The following KMT2E variants were observed in gnomAD, a reference collection of about 807,000 sequenced individuals.
KMT2E encodes the protein histone reader KMT2E.
KMT2E carries 30 observed loss-of-function variants against 184.6 expected under a neutral mutation model. The ratio of observed to expected loss-of-function variants is 0.16; its 90% CI spans 0.12 to 0.22. KMT2E has a LOEUF of 0.22. Ranked by LOEUF, KMT2E falls within the 10% of genes least tolerant of loss-of-function variation. KMT2E has a pLI of 1.00. For synonymous variants in KMT2E, 815 were observed against 776.5 expected, an observed-to-expected ratio of 1.05 and a Z score of -0.82; for missense variants, 2,023 against 2,237.4, an observed-to-expected ratio of 0.90 and a Z score of 1.93.
chr7:105,102,308 T>C, intron 17 of KMT2E, 114 bp downstream of exon 17: 1 of 758,780 alleles, frequency 1.3e-6, no homozygotes, highest in Non-Finnish European at 2.0e-6. Flanking sequence ...GCAGTTTTTA[T>C]ACTTGCAGAT....
intron 2 of KMT2E, among the ~76,000 whole-genome samples, chr7:105,038,686 CTG>C (rs1654077141): frequency 6.6e-6 from 1 of 152,068 alleles, no homozygotes; most frequent in Non-Finnish European, 1.5e-5. Context: ...TTTAAACTCA[CTG>C]TGTTAAAGGT....
At chr7:105,064,952 C>T (rs542107331) in intron 5 of KMT2E, among the ~76,000 whole-genome samples, 48 of 151,864 alleles carry the variant, frequency 3.2e-4, no homozygotes, top group Non-Finnish European at 6.0e-4. Context: ...GATATAACGG[C>T]GATGGTCTAT....
intron 3 of KMT2E, among the ~76,000 whole-genome samples, chr7:105,044,430 T>A (rs1050855134): frequency 1.2e-4 from 19 of 152,286 alleles, no homozygotes; most frequent in Non-Finnish European, 2.6e-4. Flanking sequence ...TGACTTAGAA[T>A]TAAGAGTTAG....
intron 8 of KMT2E, 61 bp from the exon 9 acceptor site, chr7:105,075,982 C>T: frequency 7.6e-7 from 1 of 1,307,924 alleles, no homozygotes; most frequent in South Asian, 1.3e-5. Context: ...CCAATTAATT[C>T]TTAAATATTA....
intron 2 of KMT2E, among the ~76,000 whole-genome samples, chr7:105,039,752 A>T (rs960180019): frequency 6.6e-6 from 1 of 152,172 alleles, no homozygotes; most frequent in Non-Finnish European, 1.5e-5. Context: ...GTAATAGACA[A>T]TTGCACACTG....
At chr7:105,021,753 A>T (rs1794965787) in intron 1 of KMT2E, among the ~76,000 whole-genome samples, 1 of 152,186 alleles carries the variant, frequency 6.6e-6, no homozygotes, top group African/African-American at 2.4e-5. Context: ...ACCTTTTTCC[A>T]GGAATGTTCA....
chr7:105,101,975 T>C lies in KMT2E; in HGVS notation c.1977T>C (p.Thr659=). Residue 659 remains threonine (T), a synonymous_variant, in exon 17 of 27, where the codon ACT becomes ACC. Coordinates refer to ENST00000311117, the MANE Select transcript of KMT2E (RefSeq NM_182931.3). ...KQRKSFSRSR[T]HIGQQRRRHR... is the part of the protein sequence containing the mutation. ...GAAAAAGTTTTTCTCGGAGTAGGAC[T>C]CACATTGGACAGCAGCGTCGGAGAC... 6.2e-7 allele frequency: 1 copy of C among 1,613,998 alleles called. No homozygotes were observed. The highest frequency in any genetic ancestry group is 2.2e-5 in the East Asian group (1 of 44,860).
chr7:105,073,711 C>T (rs758544300), intron 7 of KMT2E, 34 bp downstream of exon 7: 30 of 1,321,942 alleles, frequency 2.3e-5, no homozygotes, highest in Non-Finnish European at 3.2e-5. Context: ...AATTAAAATT[C>T]GTGTGATTGA....
intron 1 of KMT2E, among the ~76,000 whole-genome samples, chr7:105,037,919 C>T (rs990842962): frequency 6.6e-6 from 1 of 151,010 alleles, no homozygotes; most frequent in Non-Finnish European, 1.5e-5. Flanking sequence ...TTTCTTTTTC[C>T]AGTTTGATTT....
At chr7:105,025,800 A>T (rs1325900868) in intron 1 of KMT2E, among the ~76,000 whole-genome samples, 1 of 152,206 alleles carries the variant, frequency 6.6e-6, no homozygotes, top group Non-Finnish European at 1.5e-5. Flanking sequence ...AACTTGATAA[A>T]GGCAAATTAA....
At chr7:105,109,258 G>GAAAAAAAAA in intron 23 of KMT2E, 30 bp downstream of exon 23, 1 of 1,594,770 alleles carries the variant, frequency 6.3e-7, no homozygotes, top group South Asian at 1.1e-5. Context: ...TGCTACTCTG[G>GAAAAAAAAA]AAAAAACAAG....
intron 1 of KMT2E, among the ~76,000 whole-genome samples, chr7:105,029,613 G>T (rs1315545463): frequency 6.6e-6 from 1 of 152,070 alleles, no homozygotes; most frequent in African/African-American, 2.4e-5. Flanking sequence ...CACTGAGGAG[G>T]CACAAAAGAT....
intron 15 of KMT2E, among the ~76,000 whole-genome samples, chr7:105,095,893 G>C (rs1271502697): frequency 2.0e-5 from 3 of 152,084 alleles, no homozygotes; most frequent in African/African-American, 4.8e-5. Context: ...ATTAGATACT[G>C]GGGGGTATAC....
chr7:105,111,016 GTT>G (rs1388587119), intron 26 of KMT2E, 148 bp downstream of exon 26: 24 of 617,042 alleles, frequency 3.9e-5, no homozygotes, highest in East Asian at 3.0e-4. Flanking sequence ...ACTCAATTGT[GTT>G]TACTACTGTT....
At chr7:105,098,540 G>A (rs1798519634) in intron 15 of KMT2E, among the ~76,000 whole-genome samples, 1 of 152,016 alleles carries the variant, frequency 6.6e-6, no homozygotes, top group Admixed American at 6.6e-5. Context: ...TGAGTAGCTG[G>A]GACTACAGGC....
chr7:105,113,011 C>T lies in KMT2E; in HGVS notation c.5255C>T (p.Ser1752Leu), dbSNP rs759758589. The T allele has an allele frequency of 3.1e-6, 5 of 1,613,944 alleles. No homozygotes were observed. Among genetic ancestry groups the T allele is most frequent in the South Asian group, 2.2e-5 (2 of 91,082 alleles). The change falls in exon 27 of 27, where the codon TCG becomes TTG. Residue 1752 changes from serine (S) to leucine (L), a missense_variant. Ser to Leu is a moderately radical substitution (Grantham distance 145). Transcript: ENST00000311117. ...CATCAAGGACCTCCACTTTTTCCTT[C>T]GAGTGCTCATCCAACTGTACCACCG... The part of the protein sequence containing the change: ...PPHQGPPLFP[S>L]SAHPTVPPYP...
chr7:105,025,867 G>C (rs1195017420), intron 1 of KMT2E, among the ~76,000 whole-genome samples: 1 of 152,090 alleles, frequency 6.6e-6, no homozygotes, highest in Non-Finnish European at 1.5e-5. Flanking sequence ...AAAGATTACA[G>C]GGAAAAAATA....
chr7:105,027,462 A>G (rs1795219737), intron 1 of KMT2E, among the ~76,000 whole-genome samples: 1 of 152,120 alleles, frequency 6.6e-6, no homozygotes, highest in Non-Finnish European at 1.5e-5. Context: ...TTTTGCCTGT[A>G]TTCTAAATTT....
intron 13 of KMT2E, among the ~76,000 whole-genome samples, chr7:105,088,508 G>A (rs1208045678): frequency 1.3e-5 from 2 of 152,162 alleles, no homozygotes; most frequent in East Asian, 3.9e-4. Context: ...TGTTCTTATT[G>A]TGAACAAACA....
Sources: gnomAD v4.1 joint callset for allele counts (sites outside exome capture counted in the v4.1 genomes callset) on GRCh38, gnomAD v4.1.1 for gene constraint, MANE v1.5 for transcripts, NCBI Gene and HGNC (gene_info 2026-07-23, HGNC 2026-07-21) for gene names.